RIMS1: variants seen among roughly 807,000 people sequenced by gnomAD.
RIMS1 encodes the protein regulating synaptic membrane exocytosis 1, also known as regulating synaptic membrane exocytosis protein 1.
A neutral mutation model predicts 214.1 loss-of-function variants in RIMS1; 83 were observed. The observed-to-expected ratio is 0.39, with a 90% CI of 0.32 to 0.47. RIMS1 has a LOEUF of 0.47. RIMS1 is among the 20% of genes least tolerant of loss of function. The pLI is 0.99. For missense variants in RIMS1, 2,050 were observed against 2,161.8 expected (o/e 0.95, Z 1.03); for synonymous variants, 793 against 786.8 (o/e 1.01, Z -0.13).
At chr6:71,959,544 T>C (rs561533934) in intron 1 of RIMS1, among the ~76,000 whole-genome samples, 1 of 152,138 alleles carries the variant, frequency 6.6e-6, no homozygotes, top group South Asian at 2.1e-4. Context: ...AAAATAGCTC[T>C]GGCAATTATC....
intron 2 of RIMS1, among the ~76,000 whole-genome samples, chr6:72,009,381 T>C (rs1239746330): frequency 5.3e-5 from 8 of 152,288 alleles, no homozygotes; most frequent in Admixed American, 5.2e-4. Flanking sequence ...AGGAAAGATC[T>C]AAAATTGACA....
chr6:72,236,783 TA>T (rs11326772), intron 8 of RIMS1, among the ~76,000 whole-genome samples: 85,505 of 128,248 alleles, frequency 0.67, 28,290 homozygotes, highest in East Asian at 0.96. Context: ...GCTGATGAGC[TA>T]AAAAAAAAAA....
chr6:72,342,787 G>A (rs1169561447), intron 29 of RIMS1, among the ~76,000 whole-genome samples: 1 of 151,712 alleles, frequency 6.6e-6, no homozygotes, highest in Admixed American at 6.6e-5. Flanking sequence ...GAGAACAGAG[G>A]CGATAATTCA....
rs1237497676 is a variant in RIMS1, at chr6:71,951,478, C to CTTTTTCTTTTTCT, written c.165-17500_165-17499insCTTTTTCTTTTTT. Among the ~76,000 whole-genome samples the CTTTTTCTTTTTCT allele has an allele frequency of 9.2e-3, 1,189 of 128,688 alleles. 18 individuals are homozygous for CTTTTTCTTTTTCT. Among genetic ancestry groups the CTTTTTCTTTTTCT allele is most frequent in the African/African-American group, 0.032 (1,065 of 33,156 alleles). 84.4% of individuals were successfully genotyped at this position (128,688 alleles called of 152,430 possible). ...GACCATTTTTTCCACTTTTCTTTTT[C>CTTTTTCTTTTTCT]TTTTTTTTTTTTTTTGTGTGTGTGT... On this transcript the variant is annotated intron_variant, in intron 1 of 33. Coordinates refer to ENST00000521978, the MANE Select transcript of RIMS1 (RefSeq NM_014989.7).
At chr6:72,196,837 T>C (rs2051074275) in intron 6 of RIMS1, among the ~76,000 whole-genome samples, 1 of 25,176 alleles carries the variant, frequency 4.0e-5, no homozygotes, top group African/African-American at 1.4e-4. Context: ...TAGAGAGCTA[T>C]TTGCCATAAA....
chr6:72,349,233 G>A (rs2097365225), intron 29 of RIMS1, among the ~76,000 whole-genome samples: 1 of 151,996 alleles, frequency 6.6e-6, no homozygotes, highest in African/African-American at 2.4e-5. Context: ...GGTCTACAAG[G>A]AGGTAAAAAA....
At chr6:71,973,902 C>T (rs1029631432) in intron 2 of RIMS1, among the ~76,000 whole-genome samples, 5 of 152,100 alleles carry the variant, frequency 3.3e-5, no homozygotes, top group Non-Finnish European at 7.3e-5. Flanking sequence ...CTCTTACCCA[C>T]GCAGGTTTTC....
chr6:72,100,876 T>C (rs2153809050), intron 4 of RIMS1, among the ~76,000 whole-genome samples: 1 of 152,122 alleles, frequency 6.6e-6, no homozygotes, highest in African/African-American at 2.4e-5. Context: ...AATCTGTGTT[T>C]CTAAATTTAC....
intron 26 of RIMS1, among the ~76,000 whole-genome samples, chr6:72,294,201 T>C (rs1033063572): frequency 6.6e-6 from 1 of 151,776 alleles, no homozygotes; most frequent in Non-Finnish European, 1.5e-5. Flanking sequence ...TCCTAAAATA[T>C]GTTTAAAAAA....
chr6:72,084,921 T>C (rs2153781965), intron 2 of RIMS1, among the ~76,000 whole-genome samples: 1 of 152,184 alleles, frequency 6.6e-6, no homozygotes, highest in African/African-American at 2.4e-5. Context: ...ACCCTTAATA[T>C]ATAATTTTTT....
At position 72,333,818 on chromosome 6, in the gene RIMS1, C is replaced by G. The variant is rs1428855039; in HGVS notation, c.4349C>G (p.Ser1450Cys). ...AIVSRRSRST[S>C]QLSQTESGHK... is the part of the protein sequence containing the mutation. The stretch of plus-strand genomic sequence containing the variant: ...GTGTCTCGAAGGAGTAGAAGCACAT[C>G]CCAGCTTAGTCAAACAGGTGAGTGA... The change falls in exon 29 of 34, where the codon TCC becomes TGC. Residue 1450 changes from serine to cysteine, a missense_variant. Ser to Cys is a moderately radical substitution (Grantham distance 112). Coordinates refer to ENST00000521978, the MANE Select transcript of RIMS1 (RefSeq NM_014989.7). 2 of 1,582,948 alleles carry G rather than the reference C, an allele frequency of 1.3e-6. No homozygotes were observed. Among genetic ancestry groups the G allele is most frequent in the African/African-American group, 2.7e-5 (2 of 74,206 alleles).
intron 2 of RIMS1, among the ~76,000 whole-genome samples, chr6:72,041,987 C>T (rs1474122442): frequency 1.3e-5 from 2 of 151,918 alleles, no homozygotes; most frequent in East Asian, 1.9e-4. Context: ...TGTTAGCCTA[C>T]TTCTCCCCAT....
chr6:71,936,449 G>T (rs1332556077), intron 1 of RIMS1, among the ~76,000 whole-genome samples: 1 of 151,560 alleles, frequency 6.6e-6, no homozygotes, highest in Non-Finnish European at 1.5e-5. Context: ...TTAACCAGCT[G>T]CCTCCCTACA....
chr6:72,217,374 T>C (rs2496537), intron 6 of RIMS1: 291,852 of 718,328 alleles, frequency 0.41, 67,653 homozygotes, highest in East Asian at 0.86. Flanking sequence ...TGTTTTGCTT[T>C]ATATAAATAT....
At chr6:72,286,502 T>G (rs1380650944) in intron 24 of RIMS1, among the ~76,000 whole-genome samples, 2 of 152,218 alleles carry the variant, frequency 1.3e-5, no homozygotes, top group Non-Finnish European at 2.9e-5. Context: ...TTTCCTTTGC[T>G]TATAGTTTAA....
intron 2 of RIMS1, among the ~76,000 whole-genome samples, chr6:71,996,774 T>G (rs1803572079): frequency 6.6e-6 from 1 of 152,120 alleles, no homozygotes; most frequent in Non-Finnish European, 1.5e-5. Context: ...ACCTTGGAGA[T>G]CCATCATGCT....
intron 8 of RIMS1, among the ~76,000 whole-genome samples, chr6:72,237,231 A>G (rs1021696490): frequency 3.3e-5 from 5 of 149,610 alleles, no homozygotes; most frequent in African/African-American, 4.9e-5. Flanking sequence ...GAGAGAGAGA[A>G]AAAAAAAAGG....
intron 23 of RIMS1, among the ~76,000 whole-genome samples, chr6:72,283,302 C>G (rs1377487927): frequency 6.6e-6 from 1 of 151,928 alleles, no homozygotes; most frequent in Non-Finnish European, 1.5e-5. Context: ...CATATGTAAG[C>G]TGCTGTGGGG....
intron 2 of RIMS1, among the ~76,000 whole-genome samples, chr6:72,053,673 G>T (rs534488836): frequency 2.7e-4 from 41 of 152,196 alleles, no homozygotes; most frequent in African/African-American, 9.4e-4. Flanking sequence ...CTATTTTAAT[G>T]GCTGGTATTG....
Sources: allele counts gnomAD v4.1 joint callset (sites outside exome capture counted in the v4.1 genomes callset), GRCh38; gene constraint gnomAD v4.1.1; transcripts MANE v1.5; gene names NCBI Gene and HGNC (gene_info 2026-07-23, HGNC 2026-07-21).